The following VSTM4 variants were observed in gnomAD, a reference collection of about 807,000 sequenced individuals.
VSTM4 encodes V-set and transmembrane domain-containing protein 4.
In VSTM4, 20 loss-of-function variants were observed where a neutral mutation model predicts 36.4. The ratio of observed to expected loss-of-function variants is 0.55; its 90% CI spans 0.39 to 0.80. The LOEUF is 0.80. Among genes scored for constraint, VSTM4 ranks in the 30% least tolerant of loss-of-function variants. VSTM4 has a pLI of 0.00. For missense variants in VSTM4, 392 were observed against 404.5 expected (o/e 0.97, Z 0.26); for synonymous variants, 182 against 173.9 (o/e 1.05, Z -0.37).
rs528850402 is a variant in VSTM4 at position 49,018,765 on chromosome 10, C to G, written c.*885G>C. On this transcript the variant is annotated 3_prime_UTR_variant, in exon 8 of 8. Transcript: ENST00000332853. ...AACACACTTTCCAGCTTGGCGTGTACTTCCCACTCTCCTACCCTGAGGGCA... is the reference window on the plus strand; with the variant it reads ...AACACACTTTCCAGCTTGGCGTGTAGTTCCCACTCTCCTACCCTGAGGGCA... 2.6e-5 allele frequency: 4 copies of G among 152,390 alleles called. No homozygotes were observed. In the East Asian group the frequency reaches 7.7e-4, roughly 29 times the overall value. The allele number at this position is 152,390 out of a possible 1,614,324, so 9.4% of individuals were successfully genotyped here. A position where few individuals can be genotyped will look rare whatever the true frequency, so the allele number is the denominator to read the frequency against.
At chr10:49,038,082 A>G (rs1040508649) in intron 7 of VSTM4, among the ~76,000 whole-genome samples, 2 of 152,238 alleles carry the variant, frequency 1.3e-5, no homozygotes, top group African/African-American at 2.4e-5. Flanking sequence ...TGCCATTACC[A>G]TCTGATCCAG....
At chr10:49,057,995 GT>G (rs958103263) in intron 5 of VSTM4, among the ~76,000 whole-genome samples, 23 of 152,322 alleles carry the variant, frequency 1.5e-4, no homozygotes, top group African/African-American at 5.5e-4. Context: ...ACTGATCACA[GT>G]AAAGCCTGTT....
At chr10:49,058,506 C>T (rs1010886341) in intron 5 of VSTM4, among the ~76,000 whole-genome samples, 5 of 152,312 alleles carry the variant, frequency 3.3e-5, no homozygotes, top group East Asian at 1.9e-4. Context: ...ATCCCTGAGA[C>T]GCTTACTCAG....
intron 4 of VSTM4, 138 bp downstream of exon 4, chr10:49,077,081 T>C: frequency 1.2e-6 from 1 of 813,106 alleles, no homozygotes; most frequent in South Asian, 1.7e-5. Context: ...GCTTGCTCAC[T>C]TTGCCCACAG....
At chr10:49,064,400 A>AGAGCAAGT in intron 5 of VSTM4, 1 of 381,514 alleles carries the variant, frequency 2.6e-6, no homozygotes, top group Non-Finnish European at 4.8e-6. Flanking sequence ...AAAGTGGTTC[A>AGAGCAAGT]GAGCAAGTGT....
At position 49,022,035 on chromosome 10, in the gene VSTM4, T is replaced by C. The variant is rs563618087; in HGVS notation, c.838-2260A>G. 3.9e-5 allele frequency among the ~76,000 whole-genome samples: 6 copies of C among 152,350 alleles called. No homozygotes were observed. In the East Asian group the frequency reaches 1.2e-3, roughly 29 times the overall value. ...CATGGCTCTTTCTAGGGAAGTAACC[T>C]GAACAGCTGCAGGGAGACTCAGCCT... On this transcript the variant is annotated intron_variant, in intron 7 of 7. Transcript: ENST00000332853.
intron 2 of VSTM4, among the ~76,000 whole-genome samples, chr10:49,088,590 C>T (rs1173870155): frequency 3.9e-5 from 6 of 152,210 alleles, no homozygotes; most frequent in Non-Finnish European, 7.3e-5. Flanking sequence ...CAGAATGGAG[C>T]GGAGCCTAGA....
chr10:49,051,251 C>T lies in VSTM4; in HGVS notation c.669-2667G>A, dbSNP rs141664548. Reference sequence around the variant, plus strand: ...CCCTTGGCAACCAGCGATCTTTTAACGTCTCCACAGTTTTGTCTTTTCCAG... The same window carrying T: ...CCCTTGGCAACCAGCGATCTTTTAATGTCTCCACAGTTTTGTCTTTTCCAG... On this transcript the variant is annotated intron_variant, in intron 5 of 7. Transcript: ENST00000332853. Among the ~76,000 whole-genome samples, 555 of 152,226 alleles carry T rather than the reference C, an allele frequency of 3.6e-3. 2 individuals carry two copies. Among genetic ancestry groups the T allele is most frequent in the Non-Finnish European group, 4.5e-3 (305 of 68,006 alleles).
chr10:49,106,471 T>C (rs1844784475), intron 2 of VSTM4, among the ~76,000 whole-genome samples: 2 of 152,340 alleles, frequency 1.3e-5, no homozygotes, highest in African/African-American at 2.4e-5. Context: ...CCCCAAAATA[T>C]GGCACTTGGT....
intron 7 of VSTM4, among the ~76,000 whole-genome samples, chr10:49,039,813 T>G (rs1210851186): frequency 6.6e-6 from 1 of 152,260 alleles, no homozygotes; most frequent in Non-Finnish European, 1.5e-5. Context: ...GTTTTTCCTT[T>G]AACTCTGAGG....
At chr10:49,046,120 A>G (rs1245634893) in intron 7 of VSTM4, among the ~76,000 whole-genome samples, 2 of 152,134 alleles carry the variant, frequency 1.3e-5, no homozygotes, top group African/African-American at 2.4e-5. Flanking sequence ...GGACTCCCAA[A>G]CCATGAGGAA....
intron 7 of VSTM4, among the ~76,000 whole-genome samples, chr10:49,026,939 C>G (rs1157652119): frequency 2.6e-5 from 4 of 152,170 alleles, no homozygotes; most frequent in Admixed American, 2.6e-4. Flanking sequence ...TCTTTCCAGG[C>G]TCCTCCCTGA....
At chr10:49,060,661 A>G (rs1198445239) in intron 5 of VSTM4, among the ~76,000 whole-genome samples, 1 of 152,100 alleles carries the variant, frequency 6.6e-6, no homozygotes, top group African/African-American at 2.4e-5. Flanking sequence ...CATTTTCTTA[A>G]TGGTGTCTTT....
intron 4 of VSTM4, among the ~76,000 whole-genome samples, chr10:49,071,383 G>A (rs1190800549): frequency 6.6e-6 from 1 of 152,226 alleles, no homozygotes; most frequent in Non-Finnish European, 1.5e-5. Context: ...TTTCCAGGAT[G>A]ACTCAGTGCT....
intron 2 of VSTM4, among the ~76,000 whole-genome samples, chr10:49,087,911 GTA>G (rs200469294): frequency 5.6e-5 from 8 of 143,702 alleles, no homozygotes; most frequent in African/African-American, 1.1e-4. Context: ...TGTTATATAT[GTA>G]TATATATACA....
intron 2 of VSTM4, among the ~76,000 whole-genome samples, chr10:49,087,523 C>A (rs1844390138): frequency 1.3e-5 from 2 of 152,286 alleles, no homozygotes; most frequent in East Asian, 3.9e-4. Flanking sequence ...TCACTTTAAT[C>A]CAATCAGGGT....
chr10:49,107,444 G>A (rs1214916658), intron 2 of VSTM4, 150 bp downstream of exon 2: 1 of 984,526 alleles, frequency 1.0e-6, no homozygotes, highest in East Asian at 2.6e-5. Context: ...CTCACCCCAT[G>A]GCATGACTCA....
At chr10:49,050,609 A>T (rs1475329816) in intron 5 of VSTM4, among the ~76,000 whole-genome samples, 1 of 152,228 alleles carries the variant, frequency 6.6e-6, no homozygotes, top group African/African-American at 2.4e-5. Context: ...CAAATAGCCA[A>T]AAAGAATGTG....
chr10:49,100,705 CCAAT>C (rs1454350580), intron 2 of VSTM4, among the ~76,000 whole-genome samples: 2 of 152,016 alleles, frequency 1.3e-5, no homozygotes, highest in Non-Finnish European at 2.9e-5. Flanking sequence ...CAATGAAATC[CCAAT>C]CAAACCCCAA....
Sources: gnomAD v4.1 joint callset for allele counts (sites outside exome capture counted in the v4.1 genomes callset) on GRCh38, gnomAD v4.1.1 for gene constraint, MANE v1.5 for transcripts, NCBI Gene and HGNC (gene_info 2026-07-23, HGNC 2026-07-21) for gene names.